Variants in SLCO3A1 observed in about 807,000 individuals in gnomAD.
SLCO3A1 encodes solute carrier organic anion transporter family member 3A1, also known as PGE1 transporter.
SLCO3A1 carries 27 observed loss-of-function variants against 63.1 expected under a neutral mutation model. The ratio of observed to expected loss-of-function variants is 0.43; its 90% CI spans 0.32 to 0.59. The LOEUF (loss-of-function observed/expected upper bound fraction) is 0.59, where lower values mean the gene tolerates loss of function less well. Among genes scored for constraint, SLCO3A1 ranks in the 20% least tolerant of loss-of-function variants. The pLI is 0.09. For synonymous variants in SLCO3A1, 473 were observed against 409.9 expected (o/e 1.15, Z -1.86); for missense variants, 773 against 945.8 (o/e 0.82, Z 2.40).
rs80041603 is a variant in SLCO3A1, at chr15:92,162,335, A to G, written c.1754-421A>G. On this transcript the variant is annotated intron_variant, in intron 9 of 9. Transcript: ENST00000318445. Reference sequence around the variant, plus strand: ...AAATTCCAGGTTGTCTCTTTAGTAGAGACGGGGTTTCACCATGTTGGCCAG... The same window carrying G: ...AAATTCCAGGTTGTCTCTTTAGTAGGGACGGGGTTTCACCATGTTGGCCAG... 4.2e-3 allele frequency: 698 copies of G among 165,572 alleles called. 5 individuals carry two copies. Among genetic ancestry groups the G allele is most frequent in the African/African-American group, 0.016 (656 of 41,628 alleles). The allele number at this position is 165,572 out of a possible 1,614,324, so 10.3% of individuals were successfully genotyped here.
chr15:92,064,455 A>G (rs1043249333), intron 2 of SLCO3A1, among the ~76,000 whole-genome samples: 4 of 151,936 alleles, frequency 2.6e-5, no homozygotes, highest in South Asian at 2.1e-4. Flanking sequence ...ATTTAATCCC[A>G]TTTGTTACTT....
chr15:91,868,008 G>A (rs1897206985), intron 1 of SLCO3A1, among the ~76,000 whole-genome samples: 1 of 152,110 alleles, frequency 6.6e-6, no homozygotes, highest in South Asian at 2.1e-4. Flanking sequence ...TCTATTCATC[G>A]CCTGGCTCTA....
intron 2 of SLCO3A1, among the ~76,000 whole-genome samples, chr15:92,005,953 A>G (rs1220460173): frequency 6.6e-6 from 1 of 152,112 alleles, no homozygotes; most frequent in Non-Finnish European, 1.5e-5. Flanking sequence ...CACAGGAGGA[A>G]TGGAATAGCT....
At chr15:92,115,016 C>T (rs932358360) in intron 4 of SLCO3A1, among the ~76,000 whole-genome samples, 1 of 152,170 alleles carries the variant, frequency 6.6e-6, no homozygotes, top group Non-Finnish European at 1.5e-5. Context: ...GCTTCATCTC[C>T]CCTTCTTGGG....
chr15:91,927,234 G>A (rs1899062472), intron 2 of SLCO3A1, among the ~76,000 whole-genome samples: 1 of 152,056 alleles, frequency 6.6e-6, no homozygotes, highest in Non-Finnish European at 1.5e-5. Flanking sequence ...TGGGTGTTTT[G>A]GGTAATATTC....
chr15:92,050,139 C>A (rs909810856), intron 2 of SLCO3A1, among the ~76,000 whole-genome samples: 2 of 152,190 alleles, frequency 1.3e-5, no homozygotes, highest in African/African-American at 4.8e-5. Flanking sequence ...ATAAGCATGG[C>A]CTTTAGCTTC....
chr15:92,062,423 G>A (rs76542673), intron 2 of SLCO3A1, among the ~76,000 whole-genome samples: 4,475 of 152,242 alleles, frequency 0.029, 78 homozygotes, highest in Admixed American at 0.051. Context: ...CCCGAGTGCC[G>A]TGTGGTCCAT....
intron 2 of SLCO3A1, among the ~76,000 whole-genome samples, chr15:91,964,050 T>C (rs1033244816): frequency 2.2e-4 from 34 of 152,268 alleles, no homozygotes; most frequent in African/African-American, 8.2e-4. Flanking sequence ...GCATTTACAG[T>C]CCTTTAGCTA....
chr15:92,163,255 A>G lies in SLCO3A1; in HGVS notation c.*120A>G. ...TACACACACACAGGCACAGATGCAC[A>G]CACACGCAGACAGACACACCGACTT... On this transcript the variant is annotated 3_prime_UTR_variant, in exon 10 of 10. Coordinates refer to ENST00000318445, the MANE Select transcript of SLCO3A1 (RefSeq NM_013272.4). The G allele has an allele frequency of 7.2e-7, 1 of 1,384,726 alleles. No individual in the cohort carries two copies. The highest frequency in any genetic ancestry group is 9.3e-7 in the Non-Finnish European group (1 of 1,075,804). 85.8% of individuals were successfully genotyped at this position (1,384,726 alleles called of 1,614,324 possible).
intron 2 of SLCO3A1, among the ~76,000 whole-genome samples, chr15:92,034,734 G>A (rs56274903): frequency 0.018 from 2,660 of 151,942 alleles, 83 homozygotes; most frequent in African/African-American, 0.06. Flanking sequence ...CCACTTTCAC[G>A]CCTGGGAAGG....
intron 1 of SLCO3A1, among the ~76,000 whole-genome samples, chr15:91,866,603 T>G (rs1030897323): frequency 1.7e-4 from 25 of 145,976 alleles, no homozygotes; most frequent in Non-Finnish European, 3.3e-4. Flanking sequence ...AAAAAAAAAA[T>G]GTCAGCTTGA....
intron 2 of SLCO3A1, among the ~76,000 whole-genome samples, chr15:92,084,721 G>A (rs1303137689): frequency 6.6e-6 from 1 of 152,220 alleles, no homozygotes; most frequent in East Asian, 1.9e-4. Flanking sequence ...GGCAGCCTGT[G>A]CTCCTCTCAC....
At chr15:92,132,479 T>G (rs889616580) in intron 7 of SLCO3A1, among the ~76,000 whole-genome samples, 9 of 145,476 alleles carry the variant, frequency 6.2e-5, no homozygotes, top group Non-Finnish European at 1.4e-4. Flanking sequence ...TTCTGTAAAT[T>G]TCCTTTGGCG....
rs975117804 is a variant in SLCO3A1 at position 91,916,614 on chromosome 15, C to T, written c.646+156C>T. Among the ~76,000 whole-genome samples, 38 of 152,190 alleles carry T rather than the reference C, an allele frequency of 2.5e-4. 1 individual carries two copies. Among genetic ancestry groups the T allele is most frequent in the Non-Finnish European group, 1.5e-5 (1 of 68,040 alleles). On this transcript the variant is annotated intron_variant, in intron 2 of 9. Coordinates refer to ENST00000318445, the MANE Select transcript of SLCO3A1 (RefSeq NM_013272.4). This position sits in a 1 kb window ranked among gnomAD's most constrained non-coding sequence, Gnocchi z 6.2. ...AAATACTCATGCCTGGGGGTGCAAC[C>T]TGGGCATTGAGACGTTTTTAAAAGT...
intron 2 of SLCO3A1, among the ~76,000 whole-genome samples, chr15:92,082,364 G>A (rs1034998491): frequency 3.3e-5 from 5 of 152,204 alleles, no homozygotes; most frequent in African/African-American, 1.2e-4. Flanking sequence ...GCAAAGCCCT[G>A]ACGGAGGGTT....
chr15:92,125,450 A>G (rs1019896309), intron 5 of SLCO3A1, among the ~76,000 whole-genome samples: 2 of 152,148 alleles, frequency 1.3e-5, no homozygotes, highest in East Asian at 3.9e-4. Context: ...AGGAAAAAAT[A>G]TATATGCCAT....
chr15:92,008,424 T>G (rs533885321), intron 2 of SLCO3A1, among the ~76,000 whole-genome samples: 1 of 152,344 alleles, frequency 6.6e-6, no homozygotes, highest in South Asian at 2.1e-4. Context: ...ACTTGTTCCA[T>G]GTGGGTTTTG....
In SLCO3A1 at chr15:92,150,978, G is replaced by A. The variant is rs200042814; in HGVS notation, c.1717G>A (p.Ala573Thr). The A allele has an allele frequency of 7.4e-6, 12 of 1,612,894 alleles. No homozygotes were observed. Among genetic ancestry groups the A allele is most frequent in the Non-Finnish European group, 1.0e-5 (12 of 1,179,600 alleles). ...RTVSPELKSYALGVLFLLLRL... is the reference protein window; with the variant it reads ...RTVSPELKSYTLGVLFLLLRL... ...AGTCAGCCCTGAACTCAAGTCTTAC[G>A]CTTTGGGAGTTCTTTTTCTCCTCCT... is the stretch of plus-strand genomic sequence containing the variant. The change falls in exon 9 of 10, where the codon GCT (alanine) becomes ACT (threonine). Residue 573 changes from alanine (A) to threonine (T), a missense_variant. Physicochemically the swap from Ala to Thr is moderately conservative, Grantham distance 58. Coordinates refer to ENST00000318445, the MANE Select transcript of SLCO3A1 (RefSeq NM_013272.4).
chr15:92,100,571 T>G (rs2047593384), intron 3 of SLCO3A1, among the ~76,000 whole-genome samples: 1 of 152,252 alleles, frequency 6.6e-6, no homozygotes, highest in Admixed American at 6.5e-5. Flanking sequence ...AGCCATTTTT[T>G]TTAAAGTTAA....
Sources: gnomAD v4.1 joint callset for allele counts (sites outside exome capture counted in the v4.1 genomes callset) on GRCh38, gnomAD v4.1.1 for gene constraint, Gnocchi (gnomAD v3.1) non-coding constraint, MANE v1.5 for transcripts, NCBI Gene and HGNC (gene_info 2026-07-23, HGNC 2026-07-21) for gene names.